The following MKLN1 variants were observed in gnomAD, a reference collection of about 807,000 sequenced individuals.
MKLN1 encodes the protein muskelin.
In MKLN1, 18 loss-of-function variants were observed where a neutral mutation model predicts 99.0. The observed-to-expected ratio is 0.18, with a 90% CI of 0.13 to 0.27. The LOEUF (loss-of-function observed/expected upper bound fraction) is 0.27, where lower values mean the gene tolerates loss of function less well. Among genes scored for constraint, MKLN1 ranks in the 10% least tolerant of loss-of-function variants. MKLN1 has a pLI of 1.00. For synonymous variants in MKLN1, 288 were observed against 293.2 expected, an observed-to-expected ratio of 0.98 and a Z score of 0.18; for missense variants, 621 against 875.9, an observed-to-expected ratio of 0.71 and a Z score of 3.67.
At chr7:131,309,245 G>A (rs1221520151) in intron 3 of MKLN1, among the ~76,000 whole-genome samples, 1 of 148,286 alleles carries the variant, frequency 6.7e-6, no homozygotes, top group Admixed American at 6.6e-5. Flanking sequence ...AATTTCTCTT[G>A]TCTTCTATTT....
intron 1 of MKLN1, among the ~76,000 whole-genome samples, chr7:131,350,816 A>G (rs1379881564): frequency 2.0e-5 from 3 of 152,148 alleles, no homozygotes; most frequent in Non-Finnish European, 2.9e-5. Context: ...TGAAATTACA[A>G]TGAGATGGAA....
At chr7:131,345,406 C>G (rs1314851344) in intron 1 of MKLN1, among the ~76,000 whole-genome samples, 3 of 152,174 alleles carry the variant, frequency 2.0e-5, no homozygotes, top group Non-Finnish European at 4.4e-5. Flanking sequence ...GATTTTGGAA[C>G]ATTTCTGATT....
At chr7:131,170,289 AG>A (rs1226345537) in intron 2 of MKLN1, among the ~76,000 whole-genome samples, 13 of 152,214 alleles carry the variant, frequency 8.5e-5, no homozygotes, top group African/African-American at 2.9e-4. Context: ...ACTCATTTTT[AG>A]ATAAAGAAAC....
intron 3 of MKLN1, among the ~76,000 whole-genome samples, chr7:131,314,089 AAAC>A (rs1424164012): frequency 1.3e-5 from 2 of 152,214 alleles, no homozygotes; most frequent in African/African-American, 2.4e-5. Flanking sequence ...CATTCACTGT[AAAC>A]AACTGCTGTC....
At chr7:131,238,373 G>A (rs575761007) in intron 3 of MKLN1, among the ~76,000 whole-genome samples, 26 of 152,256 alleles carry the variant, frequency 1.7e-4, no homozygotes, top group Non-Finnish European at 2.6e-4. Context: ...CATTCACCCC[G>A]AAACATTTAT....
chr7:131,453,656 TTAA>T (rs1273394294), intron 12 of MKLN1, among the ~76,000 whole-genome samples: 1 of 152,128 alleles, frequency 6.6e-6, no homozygotes, highest in African/African-American at 2.4e-5. Flanking sequence ...CCAATTATTT[TTAA>T]TAATCTAGGA....
Position 131,443,473 on chromosome 7 carries a change from TC to T in MKLN1, c.1174-7del, listed in dbSNP as rs2116505619. 3 of 1,591,108 alleles carry T rather than the reference TC, an allele frequency of 1.9e-6. No individual in the cohort carries two copies. The East Asian group carries it at 6.7e-5, about 36-fold the overall frequency. ...AAAACTATTCAATCTGTTGCCTTGT[TC>T]TGATAGATGTGTATGGACTCAGAAA... On this transcript the variant is annotated splice_polypyrimidine_tract_variant and splice_region_variant and intron_variant, in intron 10 of 17. Transcript: ENST00000352689.
intron 3 of MKLN1, among the ~76,000 whole-genome samples, chr7:131,283,971 A>G (rs1798096855): frequency 6.6e-6 from 1 of 152,186 alleles, no homozygotes; most frequent in African/African-American, 2.4e-5. Flanking sequence ...ATAACATTAT[A>G]TTATATAATA....
chr7:131,400,521 AT>A (rs1217721274), intron 6 of MKLN1, among the ~76,000 whole-genome samples: 98 of 115,848 alleles, frequency 8.5e-4, no homozygotes, highest in African/African-American at 2.3e-3. Flanking sequence ...AAAAAAAAAT[AT>A]ATATATATAT....
At chr7:131,291,582 A>T (rs1227421438) in intron 3 of MKLN1, among the ~76,000 whole-genome samples, 9 of 4,954 alleles carry the variant, frequency 1.8e-3, no homozygotes, top group Non-Finnish European at 3.8e-3. Context: ...TTCATTTATT[A>T]TATATATATA....
intron 3 of MKLN1, among the ~76,000 whole-genome samples, chr7:131,233,244 T>C (rs1438559630): frequency 6.6e-6 from 1 of 151,948 alleles, no homozygotes; most frequent in Admixed American, 6.6e-5. Flanking sequence ...CAAGATAGTA[T>C]GTGCCTGTGG....
intron 2 of MKLN1, among the ~76,000 whole-genome samples, chr7:131,163,414 G>A (rs376484209): frequency 2.6e-5 from 4 of 152,200 alleles, no homozygotes; most frequent in African/African-American, 9.6e-5. Flanking sequence ...TCATTTCTAC[G>A]ATTCTATCAC....
intron 2 of MKLN1, among the ~76,000 whole-genome samples, chr7:131,386,595 A>G (rs776220354): frequency 6.6e-5 from 10 of 152,110 alleles, no homozygotes; most frequent in African/African-American, 9.7e-5. Context: ...GTTTTATCCA[A>G]TGTGTAATAG....
At chr7:131,453,051 T>TTCAAATACA (rs1283993845) in intron 12 of MKLN1, among the ~76,000 whole-genome samples, 1 of 152,216 alleles carries the variant, frequency 6.6e-6, no homozygotes, top group East Asian at 1.9e-4. Flanking sequence ...AAACAGAGTA[T>TTCAAATACA]CTACTTTTTG....
chr7:131,359,341 A>G (rs1421570051), intron 1 of MKLN1, among the ~76,000 whole-genome samples: 1 of 152,178 alleles, frequency 6.6e-6, no homozygotes, highest in African/African-American at 2.4e-5. Flanking sequence ...CTTCTAGTTT[A>G]ATTCCATTGT....
chr7:131,119,176 A>G (rs1250136642), intron 1 of MKLN1, among the ~76,000 whole-genome samples: 1 of 152,262 alleles, frequency 6.6e-6, no homozygotes, highest in East Asian at 1.9e-4. Flanking sequence ...TGCCATTCCA[A>G]AATGGAGAAA....
intron 8 of MKLN1, among the ~76,000 whole-genome samples, chr7:131,416,847 G>T (rs1232340616): frequency 6.6e-6 from 1 of 151,886 alleles, no homozygotes; most frequent in Non-Finnish European, 1.5e-5. Context: ...GCTGGATGTG[G>T]TGGTGTATGC....
rs562443364 is a variant in MKLN1 at position 131,495,120 on chromosome 7, GT to G, written c.*7395del. ...TTCAAATATGGCATATTTCTAAACA[GT>G]TTGGGAAAGATGTTAGAATTTTTTA... On this transcript the variant is annotated 3_prime_UTR_variant, in exon 18 of 18. Transcript: ENST00000352689. The G allele has an allele frequency of 1.5e-3, 233 of 152,266 alleles. 2 individuals carry two copies. The highest frequency in any genetic ancestry group is 5.1e-3 in the African/African-American group (210 of 41,556). The allele number at this position is 152,266 out of a possible 1,614,324, so 9.4% of individuals were successfully genotyped here.
intron 1 of MKLN1, among the ~76,000 whole-genome samples, chr7:131,329,971 T>C (rs895387018): frequency 6.6e-6 from 1 of 152,250 alleles, no homozygotes; most frequent in African/African-American, 2.4e-5. Context: ...CAGTATAATT[T>C]GTATTTAAAG....
Sources: gnomAD v4.1 joint callset for allele counts (sites outside exome capture counted in the v4.1 genomes callset) on GRCh38, gnomAD v4.1.1 for gene constraint, MANE v1.5 for transcripts, NCBI Gene and HGNC (gene_info 2026-07-23, HGNC 2026-07-21) for gene names.